TRHDE: variants seen among roughly 807,000 people sequenced by gnomAD.
TRHDE encodes the protein thyrotropin-releasing hormone-degrading ectoenzyme.
A neutral mutation model predicts 125.7 loss-of-function variants in TRHDE; 72 were observed. The observed-to-expected ratio is 0.57, with a 90% CI of 0.47 to 0.70. The LOEUF (loss-of-function observed/expected upper bound fraction) is 0.70. Ranked by LOEUF, TRHDE falls within the 30% of genes least tolerant of loss-of-function variation. TRHDE has a pLI of 0.00. For synonymous variants in TRHDE, 509 were observed against 509.1 expected (o/e 1.00, Z 0.00); for missense variants, 1,110 against 1,327.1 (o/e 0.84, Z 2.54).
At chr12:72,217,220 G>A (rs1877912097) in intron 2 of TRHDE, among the ~76,000 whole-genome samples, 1 of 152,180 alleles carries the variant, frequency 6.6e-6, no homozygotes, top group East Asian at 1.9e-4. Flanking sequence ...AGGAAATCAG[G>A]CCTAGTAATG....
chr12:72,663,125 C>T lies in TRHDE; in HGVS notation c.3140C>T (p.Ala1047Val). 1.9e-6 allele frequency: 3 copies of T among 1,613,122 alleles called. No homozygotes were observed. Among genetic ancestry groups the T allele is most frequent in the Non-Finnish European group, 2.5e-6 (3 of 1,179,478 alleles). ...TCACGAGCTGTGGAAACTGTCGAAG[C>T]CAATGTGCGCTGGAAAATGCTTTAC... ...SFSRAVETVE[A>V]NVRWKMLYQD... The change falls in exon 19 of 19, where the codon GCC becomes GTC. Residue 1047 changes from alanine to valine, a missense_variant. Around this residue, in one of 5 missense-constraint regions of TRHDE, gnomAD observed 527 missense variants for 651.8 expected, o/e 0.81. Transcript: ENST00000261180.
chr12:72,381,598 G>T (rs1363725473), intron 3 of TRHDE, among the ~76,000 whole-genome samples: 5 of 151,740 alleles, frequency 3.3e-5, no homozygotes, highest in Non-Finnish European at 7.4e-5. Flanking sequence ...GGGTTTCACC[G>T]TTTTAGCCGG....
At chr12:72,232,856 C>A (rs1448639457) in intron 2 of TRHDE, among the ~76,000 whole-genome samples, 1 of 152,108 alleles carries the variant, frequency 6.6e-6, no homozygotes, top group Non-Finnish European at 1.5e-5. Context: ...TTTCTGCCTT[C>A]TCTGCTTTAT....
chr12:72,472,294 A>G (rs1876686170), intron 4 of TRHDE, among the ~76,000 whole-genome samples: 2 of 152,176 alleles, frequency 1.3e-5, no homozygotes, highest in Non-Finnish European at 2.9e-5. Context: ...CTCCTGGCAT[A>G]TAATGTATTT....
intron 3 of TRHDE, among the ~76,000 whole-genome samples, chr12:72,409,887 A>G (rs994391458): frequency 3.9e-5 from 6 of 152,190 alleles, no homozygotes; most frequent in Non-Finnish European, 8.8e-5. Context: ...AGGGGAATAA[A>G]TATAATTCAA....
chr12:72,426,481 A>G (rs1257671417), intron 3 of TRHDE, among the ~76,000 whole-genome samples: 1 of 152,166 alleles, frequency 6.6e-6, no homozygotes, highest in African/African-American at 2.4e-5. Flanking sequence ...TCTTTTATAA[A>G]TAATCTACAT....
intron 2 of TRHDE, among the ~76,000 whole-genome samples, chr12:72,117,367 G>T (rs183749154): frequency 5.9e-5 from 9 of 152,158 alleles, no homozygotes; most frequent in African/African-American, 1.9e-4. Flanking sequence ...TGGCACCTTT[G>T]TTGAAAATGA....
Position 72,097,440 on chromosome 12 carries a change from A to ATTTTTTTTTT in TRHDE, n.175-8190_175-8181dup, listed in dbSNP as rs869290442. Among the ~76,000 whole-genome samples, 153 of 21,582 alleles carry ATTTTTTTTTT rather than the reference A, an allele frequency of 7.1e-3. 5 individuals carry two copies. Among genetic ancestry groups the ATTTTTTTTTT allele is most frequent in the African/African-American group, 0.013 (135 of 10,516 alleles). The allele number at this position is 21,582 out of a possible 152,430, so 14.2% of individuals were successfully genotyped here. A position where few individuals can be genotyped will look rare whatever the true frequency, so the allele number is the denominator to read the frequency against. ...CCTTGCAGTAGCATTTTCTCACTGA[A>ATTTTTTTTTT]TTTTTTTTTTTTTTTTTTTTTTTTT... On this transcript the variant is annotated intron_variant and non_coding_transcript_variant, in intron 1 of 4. Coordinates refer to the TRHDE transcript ENST00000548156.
At chr12:72,216,626 A>G (rs937496153) in intron 2 of TRHDE, among the ~76,000 whole-genome samples, 1 of 152,202 alleles carries the variant, frequency 6.6e-6, no homozygotes, top group African/African-American at 2.4e-5. Context: ...TTTTAAGGGA[A>G]AACACAGAAC....
chr12:72,630,347 A>T (rs1873441552), intron 15 of TRHDE, among the ~76,000 whole-genome samples: 1 of 151,762 alleles, frequency 6.6e-6, no homozygotes, highest in South Asian at 2.1e-4. Context: ...ACCGGGAGTA[A>T]GTCATGTAAA....
intron 2 of TRHDE, among the ~76,000 whole-genome samples, chr12:72,250,185 A>G (rs975395501): frequency 1.3e-5 from 2 of 152,204 alleles, no homozygotes; most frequent in Admixed American, 1.3e-4. Flanking sequence ...GGGTGATGGA[A>G]ATGTTCTGTT....
rs977906263 is a variant in TRHDE, at chr12:72,376,878, T to A, written c.1189-1117T>A. ...TTCTATATACTGAGTAAACCATTTTTTTTTTTTAGATATTTGAAAAGAACA... is the reference window on the plus strand; with the variant it reads ...TTCTATATACTGAGTAAACCATTTTATTTTTTTAGATATTTGAAAAGAACA... On this transcript the variant is annotated intron_variant, in intron 2 of 18. Coordinates refer to ENST00000261180, the MANE Select transcript of TRHDE (RefSeq NM_013381.3). 3.3e-5 allele frequency among the ~76,000 whole-genome samples: 5 copies of A among 152,264 alleles called. No individual in the cohort carries two copies. In the South Asian group the frequency reaches 1.0e-3, roughly 32 times the overall value.
chr12:72,342,511 G>C (rs147589163), intron 2 of TRHDE, among the ~76,000 whole-genome samples: 2 of 152,196 alleles, frequency 1.3e-5, no homozygotes, highest in Non-Finnish European at 2.9e-5. Context: ...ATAATGAAGA[G>C]AATATGGTTA....
chr12:72,631,388 T>C (rs565895940), intron 15 of TRHDE, among the ~76,000 whole-genome samples: 105 of 151,930 alleles, frequency 6.9e-4, no homozygotes, highest in African/African-American at 2.4e-3. Context: ...TTTTGTTTTG[T>C]TTTCAATAAT....
At chr12:72,641,893 G>A (rs1949961525) in intron 15 of TRHDE, among the ~76,000 whole-genome samples, 1 of 151,844 alleles carries the variant, frequency 6.6e-6, no homozygotes, top group African/African-American at 2.4e-5. Context: ...AAATTTGTAT[G>A]TTGAAATCCT....
At chr12:72,410,641 GA>G (rs1400274641) in intron 3 of TRHDE, among the ~76,000 whole-genome samples, 5 of 152,200 alleles carry the variant, frequency 3.3e-5, no homozygotes, top group Admixed American at 6.5e-5. Flanking sequence ...AATAGAGGCA[GA>G]AAAACAATAA....
intron 2 of TRHDE, among the ~76,000 whole-genome samples, chr12:72,367,216 T>A (rs1871374692): frequency 6.6e-6 from 1 of 152,102 alleles, no homozygotes; most frequent in Non-Finnish European, 1.5e-5. Flanking sequence ...TCTTCACCTG[T>A]AATATTATGC....
At chr12:72,568,311 T>TC (rs1329277456) in intron 9 of TRHDE, among the ~76,000 whole-genome samples, 17 of 151,940 alleles carry the variant, frequency 1.1e-4, no homozygotes, top group Non-Finnish European at 2.1e-4. Context: ...GAATCTTTTT[T>TC]CCCCCAAGAA....
Position 72,106,018 on chromosome 12 carries a change from C to G in TRHDE, n.279+266C>G, listed in dbSNP as rs918739367. Reference sequence around the variant, plus strand: ...CATGTTAGTGTTTTTGCCTTGCTGCCTGAACATTAATGTATTGCTGGTGGA... The same window carrying G: ...CATGTTAGTGTTTTTGCCTTGCTGCGTGAACATTAATGTATTGCTGGTGGA... On this transcript the variant is annotated intron_variant and non_coding_transcript_variant, in intron 2 of 4. Transcript: ENST00000548156. 2.6e-5 allele frequency among the ~76,000 whole-genome samples: 4 copies of G among 152,012 alleles called. No homozygotes were observed. The East Asian group carries it at 7.7e-4, about 29-fold the overall frequency.
Sources: allele counts gnomAD v4.1 joint callset (sites outside exome capture counted in the v4.1 genomes callset), GRCh38; gene constraint gnomAD v4.1.1; regional missense constraint gnomAD v4.1.1; transcripts MANE v1.5; gene names NCBI Gene and HGNC (gene_info 2026-07-23, HGNC 2026-07-21).